PYY: variants seen among roughly 807,000 people sequenced by gnomAD.
The protein encoded by PYY is peptide tyrosine tyrosine.
PYY carries 12 observed loss-of-function variants against 10.3 expected under a neutral mutation model. The ratio of observed to expected loss-of-function variants is 1.17; its 90% CI spans 0.75 to 1.89. The LOEUF is 1.89. Ranked by LOEUF, PYY falls within the 40% of genes most tolerant of loss-of-function variation. The pLI is 0.00. For synonymous variants in PYY, 66 were observed against 62.0 expected, an observed-to-expected ratio of 1.06 and a Z score of -0.30; for missense variants, 141 against 134.0, an observed-to-expected ratio of 1.05 and a Z score of -0.26.
chr17:43,963,973 G>A (rs1269483822), intron 2 of PYY, among the ~76,000 whole-genome samples: 1 of 152,194 alleles, frequency 6.6e-6, no homozygotes, highest in East Asian at 1.9e-4. Flanking sequence ...ACGTGCCACT[G>A]CACTCCAGCC....
At chr17:44,002,485 G>A (rs1477638390) in intron 1 of PYY, among the ~76,000 whole-genome samples, 1 of 152,150 alleles carries the variant, frequency 6.6e-6, no homozygotes, top group Non-Finnish European at 1.5e-5. Context: ...ACAACAGAGG[G>A]TCCTCTTTCC....
At chr17:43,978,389 C>T (rs986757338) in intron 1 of PYY, among the ~76,000 whole-genome samples, 1 of 151,964 alleles carries the variant, frequency 6.6e-6, no homozygotes, top group Non-Finnish European at 1.5e-5. Flanking sequence ...GGTATGATAG[C>T]TCACACCTGT....
At chr17:43,959,344 GTA>G (rs1253080814) in intron 2 of PYY, among the ~76,000 whole-genome samples, 1 of 152,176 alleles carries the variant, frequency 6.6e-6, no homozygotes, top group Non-Finnish European at 1.5e-5. Flanking sequence ...TGTTTAAAGG[GTA>G]TTTCTATTTA....
At chr17:43,978,586 A>T (rs1306695775) in intron 1 of PYY, among the ~76,000 whole-genome samples, 2 of 152,106 alleles carry the variant, frequency 1.3e-5, no homozygotes, top group African/African-American at 2.4e-5. Flanking sequence ...TCTCTCCCAG[A>T]TCATATCTCC....
intron 1 of PYY, among the ~76,000 whole-genome samples, chr17:43,999,416 G>A (rs1347716510): frequency 6.6e-6 from 1 of 152,070 alleles, no homozygotes; most frequent in Non-Finnish European, 1.5e-5. Context: ...ATCCCAGAGT[G>A]GGGTTGAGGG....
At chr17:43,965,789 C>CA (rs67609128) in intron 2 of PYY, among the ~76,000 whole-genome samples, 2,854 of 31,988 alleles carry the variant, frequency 0.089, 374 homozygotes, top group Non-Finnish European at 0.1. Flanking sequence ...ATCCATCTCA[C>CA]AAAAAAAAAA....
exon 1 of PYY, chr17:44,004,404 T>C (rs1398992057): frequency 5.5e-6 from 2 of 365,472 alleles, no homozygotes; most frequent in African/African-American, 2.1e-5. Context: ...GGCAGCAGAT[T>C]AAAGACAACC....
intron 1 of PYY, among the ~76,000 whole-genome samples, chr17:44,001,626 T>G (rs1013628621): frequency 6.6e-6 from 1 of 152,170 alleles, no homozygotes; most frequent in Non-Finnish European, 1.5e-5. Flanking sequence ...CCCCATTGGC[T>G]GCCTGGGGAC....
intron 1 of PYY, among the ~76,000 whole-genome samples, chr17:44,003,609 C>G (rs978983171): frequency 1.2e-4 from 17 of 140,816 alleles, no homozygotes; most frequent in Admixed American, 9.6e-4. Context: ...GAGCCGAGAT[C>G]GCAACACTGC....
chr17:43,993,459 C>CAA (rs752399900), intron 1 of PYY, among the ~76,000 whole-genome samples: 7 of 102,656 alleles, frequency 6.8e-5, no homozygotes, highest in Admixed American at 1.0e-4. Flanking sequence ...ACTCCATCTC[C>CAA]AAAAAAAAAA....
At position 43,952,845 on chromosome 17, in the gene PYY, C is replaced by A. The variant is rs993688895; in HGVS notation, c.*111G>T. ...CGCGGGCGGAGGGCCGCACCCGAAC[C>A]CTGCCCAGACGCCGCCGTCGGGAGG... On this transcript the variant is annotated 3_prime_UTR_variant, in exon 4 of 4. Coordinates refer to ENST00000692052, the MANE Select transcript of PYY (RefSeq NM_001394028.1). 1.6e-6 allele frequency: 2 copies of A among 1,289,284 alleles called. No individual in the cohort carries two copies. The highest frequency in any genetic ancestry group is 1.6e-5 in the South Asian group (1 of 63,364). 79.9% of individuals were successfully genotyped at this position (1,289,284 alleles called of 1,614,324 possible). A position where few individuals can be genotyped will look rare whatever the true frequency, so the allele number is the denominator to read the frequency against.
chr17:43,992,888 G>GCCT (rs2048967055), intron 1 of PYY, among the ~76,000 whole-genome samples: 2 of 104,544 alleles, frequency 1.9e-5, no homozygotes, highest in African/African-American at 7.2e-5. Flanking sequence ...CTGGAACAGG[G>GCCT]GGAGGATTGT....
rs2143948101 is a variant in PYY at position 43,987,783 on chromosome 17, C to T, written c.-463+16608G>A. ...ATGGCATGTGCCCTCTAAGAGCTTA[C>T]AGTCCAGCAGGGAACACAGCCCAAA... On this transcript the variant is annotated intron_variant, in intron 1 of 6. Coordinates refer to the PYY transcript ENST00000360085. This position sits in a 1 kb window ranked among gnomAD's most constrained non-coding sequence, Gnocchi z 4.0. Among the ~76,000 whole-genome samples, 3 of 152,308 alleles carry T rather than the reference C, an allele frequency of 2.0e-5. No individual in the cohort carries two copies. The East Asian group carries it at 5.8e-4, about 29-fold the overall frequency.
intron 2 of PYY, among the ~76,000 whole-genome samples, chr17:43,963,636 G>GAAAGAAAA (rs2048734577): frequency 6.7e-6 from 1 of 149,026 alleles, no homozygotes; most frequent in Non-Finnish European, 1.5e-5. Flanking sequence ...GAGAAAGAAA[G>GAAAGAAAA]AAAAGAGAGA....
At chr17:43,986,487 G>T (rs1338711304) in intron 1 of PYY, among the ~76,000 whole-genome samples, 1 of 152,178 alleles carries the variant, frequency 6.6e-6, no homozygotes, top group African/African-American at 2.4e-5. Context: ...CTGTAGCCTT[G>T]CAGCTTAAAG....
Position 43,953,413 on chromosome 17 carries a change from G to T in PYY, c.71C>A (p.Ala24Glu), listed in dbSNP as rs760026707. ...VLLALLVCLG[A>E]LVDAYPIKPE... is the part of the protein sequence containing the mutation. ...TTTGATGGGGTAGGCGTCGACCAGC[G>T]CCCCTAGGCAGACGAGCAGGGCCAG... The change falls in exon 2 of 4, where the codon GCG becomes GAG. Residue 24 changes from alanine to glutamate, a missense_variant. Coordinates refer to ENST00000692052, the MANE Select transcript of PYY (RefSeq NM_001394028.1). The T allele has an allele frequency of 6.8e-6, 11 of 1,612,882 alleles. No individual in the cohort carries two copies. Among genetic ancestry groups the T allele is most frequent in the Non-Finnish European group, 8.5e-6 (10 of 1,179,552 alleles).
chr17:43,995,735 G>A (rs7215801), intron 1 of PYY, among the ~76,000 whole-genome samples: 128,156 of 151,426 alleles, frequency 0.85, 54,933 homozygotes, highest in South Asian at 0.93. Flanking sequence ...TTGGGAGGCT[G>A]AGGCAAGAGG....
chr17:43,959,949 T>C (rs987414792), intron 2 of PYY, among the ~76,000 whole-genome samples: 1 of 152,238 alleles, frequency 6.6e-6, no homozygotes, highest in Non-Finnish European at 1.5e-5. Context: ...GTCAGCTCCC[T>C]GATTCACCAG....
At chr17:43,994,822 C>T (rs1341850012) in intron 1 of PYY, among the ~76,000 whole-genome samples, 1 of 152,232 alleles carries the variant, frequency 6.6e-6, no homozygotes, top group Non-Finnish European at 1.5e-5. Flanking sequence ...AGACAGAGCC[C>T]TGCCTGGGCC....
Sources: gnomAD v4.1 joint callset for allele counts (sites outside exome capture counted in the v4.1 genomes callset) on GRCh38, gnomAD v4.1.1 for gene constraint, Gnocchi (gnomAD v3.1) non-coding constraint, MANE v1.5 for transcripts, NCBI Gene and HGNC (gene_info 2026-07-23, HGNC 2026-07-21) for gene names.